CAMKK2: variants seen among roughly 807,000 people sequenced by gnomAD.
CAMKK2 encodes the protein calcium/calmodulin dependent protein kinase kinase 2, also known as calcium/calmodulin-dependent protein kinase kinase 2.
A neutral mutation model predicts 67.2 loss-of-function variants in CAMKK2; 30 were observed. The ratio of observed to expected loss-of-function variants is 0.45; its 90% CI spans 0.33 to 0.61. The LOEUF (loss-of-function observed/expected upper bound fraction) is 0.61, where lower values mean the gene tolerates loss of function less well. CAMKK2 is among the 20% of genes least tolerant of loss of function. CAMKK2 has a pLI of 0.02. For synonymous variants in CAMKK2, 322 were observed against 326.2 expected (o/e 0.99, Z 0.14); for missense variants, 643 against 802.0 (o/e 0.80, Z 2.39).
chr12:121,288,073 T>C (rs1336538887), intron 1 of CAMKK2, among the ~76,000 whole-genome samples: 1 of 152,136 alleles, frequency 6.6e-6, no homozygotes. Context: ...GTGGGTGAGT[T>C]TGGGTATGTG....
rs550627638 is a variant in CAMKK2 at position 121,285,152 on chromosome 12, T to C, written c.-59-10567A>G. 1.3e-5 allele frequency among the ~76,000 whole-genome samples: 2 copies of C among 152,198 alleles called. No homozygotes were observed. Among genetic ancestry groups the C allele is most frequent in the Non-Finnish European group, 2.9e-5 (2 of 68,028 alleles). ...CCACCATCAGCTTCAGAGATTTGCA[T>C]GTGACTCAAGCCTGGCCAGCTGGCT... On this transcript the variant is annotated intron_variant, in intron 1 of 16. Transcript: ENST00000404169. The surrounding 1 kb of genome is among the most constrained non-coding windows in gnomAD (Gnocchi z 4.1).
Position 121,245,962 on chromosome 12 carries a change from C to T in CAMKK2, c.1453-722G>A, listed in dbSNP as rs892354328. Among the ~76,000 whole-genome samples the T allele has an allele frequency of 2.0e-5, 3 of 152,146 alleles. No homozygotes were observed. Among genetic ancestry groups the T allele is most frequent in the African/African-American group, 7.2e-5 (3 of 41,430 alleles). ...GCACTGATCCATGCTACAACACAAACGGACCCTGAAAACCTTCTCCTACGT... is the reference window on the plus strand; with the variant it reads ...GCACTGATCCATGCTACAACACAAATGGACCCTGAAAACCTTCTCCTACGT... On this transcript the variant is annotated intron_variant, in intron 14 of 16. Coordinates refer to ENST00000404169, the MANE Select transcript of CAMKK2 (RefSeq NM_001270485.2). The surrounding 1 kb of genome is among the most constrained non-coding windows in gnomAD (Gnocchi z 5.8).
intron 3 of CAMKK2, 195 bp from the exon 4 acceptor site, chr12:121,269,776 C>T (rs1895349055): frequency 3.5e-6 from 2 of 569,000 alleles, no homozygotes; most frequent in African/African-American, 3.8e-5. Context: ...GGGCGGAGCG[C>T]AGTGGCTCAT....
At position 121,240,529 on chromosome 12, in the gene CAMKK2, T is replaced by TTTC; in HGVS notation, c.*169_*170insGAA. On this transcript the variant is annotated 3_prime_UTR_variant, in exon 17 of 17. Transcript: ENST00000404169. The surrounding 1 kb of genome is among the most constrained non-coding windows in gnomAD (Gnocchi z 4.4). ...CGACGTCATGGAGTCAAGTCCTTTTTTTTTTTTTGTCCCCTTTAAAACAAC... is the reference window on the plus strand; with the variant it reads ...CGACGTCATGGAGTCAAGTCCTTTTTTTCTTTTTTTTGTCCCCTTTAAAACAAC... The TTTC allele has an allele frequency of 1.3e-6, 2 of 1,534,010 alleles. No homozygotes were observed. The highest frequency in any genetic ancestry group is 1.7e-6 in the Non-Finnish European group (2 of 1,145,800).
At position 121,269,669 on chromosome 12, in the gene CAMKK2, G is replaced by A. The variant is rs1895331869; in HGVS notation, c.520-88C>T. Reference sequence around the variant, plus strand: ...CTAATACAGACGTTGCAAACCGGCAGCCCATTGGTCAAATCTGTCCCGCAA... The same window carrying A: ...CTAATACAGACGTTGCAAACCGGCAACCCATTGGTCAAATCTGTCCCGCAA... On this transcript the variant is annotated intron_variant, in intron 3 of 16. Transcript: ENST00000404169. 4 of 1,012,740 alleles carry A rather than the reference G, an allele frequency of 3.9e-6. No homozygotes were observed. The African/African-American group carries it at 4.8e-5, about 12-fold the overall frequency. The allele number at this position is 1,012,740 out of a possible 1,614,324, so 62.7% of individuals were successfully genotyped here.
chr12:121,269,362 C>T (rs542737053), intron 4 of CAMKK2, among the ~76,000 whole-genome samples, 166 bp downstream of exon 4: 5 of 152,220 alleles, frequency 3.3e-5, no homozygotes, highest in South Asian at 4.1e-4. Flanking sequence ...CCCCATTTTC[C>T]TATCTGTAAA....
intron 4 of CAMKK2, 66 bp downstream of exon 4, chr12:121,269,462 G>A: frequency 2.4e-6 from 3 of 1,256,156 alleles, no homozygotes; most frequent in South Asian, 1.3e-5. Context: ...CCAGGAAGCT[G>A]AGTGCTGGAA....
intron 9 of CAMKK2, among the ~76,000 whole-genome samples, chr12:121,255,206 TTATATATATAATTTTATA>T (rs1394752661): frequency 8.4e-5 from 2 of 23,930 alleles, no homozygotes; most frequent in African/African-American, 4.5e-4. Context: ...ATATATATAA[TTATATATATAATTTTATA>T]TATATATAAT....
chr12:121,266,452 CAGCGTT>C (rs572477937), intron 5 of CAMKK2, among the ~76,000 whole-genome samples: 6 of 151,298 alleles, frequency 4.0e-5, no homozygotes, highest in African/African-American at 1.5e-4. Flanking sequence ...TGACCTGGTG[CAGCGTT>C]TGGATAAGCA....
At position 121,255,849 on chromosome 12, in the gene CAMKK2, A is replaced by G. The variant is rs369313986; in HGVS notation, c.797-45T>C. ...GAAACTGTTACATGGGAAACTGAACATCCATCTCTCTCTGTCCTCCCCACC... is the reference window on the plus strand; with the variant it reads ...GAAACTGTTACATGGGAAACTGAACGTCCATCTCTCTCTGTCCTCCCCACC... On this transcript the variant is annotated intron_variant, in intron 7 of 16. Coordinates refer to ENST00000404169, the MANE Select transcript of CAMKK2 (RefSeq NM_001270485.2). 2.5e-6 allele frequency: 4 copies of G among 1,597,128 alleles called. No individual in the cohort carries two copies. The African/African-American group carries it at 5.4e-5, about 21-fold the overall frequency.
intron 5 of CAMKK2, among the ~76,000 whole-genome samples, chr12:121,265,956 G>T (rs1894441091): frequency 6.6e-6 from 1 of 152,100 alleles, no homozygotes. Context: ...TGTCTGTTTT[G>T]AGACAGGGTC....
In CAMKK2 at chr12:121,240,377, G is replaced by T; in HGVS notation, c.*322C>A. 1 of 1,438,136 alleles carries T rather than the reference G, an allele frequency of 7.0e-7. No homozygotes were observed. Among genetic ancestry groups the T allele is most frequent in the Non-Finnish European group, 9.4e-7 (1 of 1,067,622 alleles). The allele number at this position is 1,438,136 out of a possible 1,614,324, so 89.1% of individuals were successfully genotyped here. A position where few individuals can be genotyped will look rare whatever the true frequency, so the allele number is the denominator to read the frequency against. On this transcript the variant is annotated 3_prime_UTR_variant, in exon 17 of 17. Coordinates refer to ENST00000404169, the MANE Select transcript of CAMKK2 (RefSeq NM_001270485.2). This position sits in a 1 kb window ranked among gnomAD's most constrained non-coding sequence, Gnocchi z 4.4. ...ACAGTCACTTGGTATATCTGACGTG[G>T]TTCTGAAAATCACAATGAAGGATTT...
chr12:121,277,920 T>C (rs767793048), intron 1 of CAMKK2, among the ~76,000 whole-genome samples: 8 of 152,108 alleles, frequency 5.3e-5, no homozygotes, highest in Admixed American at 2.6e-4. Flanking sequence ...TGAGGCGAGA[T>C]TGCGCCACTG....
Position 121,263,799 on chromosome 12 carries a change from CT to C in CAMKK2, c.759+6del. On this transcript the variant is annotated splice_donor_region_variant and intron_variant, in intron 6 of 16. Transcript: ENST00000404169. ...TCCCTCCCTCCTGGGCGCCTCCACCCTTTTACCTCCACCAGCTTCACCACAT... is the reference window on the plus strand; with the variant it reads ...TCCCTCCCTCCTGGGCGCCTCCACCCTTTACCTCCACCAGCTTCACCACAT... The C allele has an allele frequency of 1.9e-6, 3 of 1,603,652 alleles. No homozygotes were observed. The highest frequency in any genetic ancestry group is 1.1e-5 in the South Asian group (1 of 90,364).
At chr12:121,268,800 C>T (rs1026169867) in intron 4 of CAMKK2, 111 bp from the exon 5 acceptor site, 2 of 935,792 alleles carry the variant, frequency 2.1e-6, no homozygotes, top group Non-Finnish European at 3.5e-6. Context: ...GGCCCAAGCT[C>T]CTGGCCCCCT....
rs377203348 is a variant in CAMKK2 at position 121,272,427 on chromosome 12, G to A, written c.472-1482C>T. Among the ~76,000 whole-genome samples, 15 of 152,266 alleles carry A rather than the reference G, an allele frequency of 9.9e-5. No individual in the cohort carries two copies. In the East Asian group the frequency reaches 2.7e-3, roughly 27 times the overall value. ...GTGAAAGAAGCTAAGCTAAAAAGGA[G>A]CCATTGCTCATAGGTCCTAGCTCTG... On this transcript the variant is annotated intron_variant, in intron 2 of 16. Transcript: ENST00000404169.
intron 6 of CAMKK2, chr12:121,260,562 T>G (rs112331620): frequency 1.7e-6 from 1 of 582,692 alleles, no homozygotes; most frequent in Non-Finnish European, 3.0e-6. Flanking sequence ...AATAAATGCC[T>G]CTCTGTCTGA....
In CAMKK2 at chr12:121,252,823, C is replaced by T. The variant is rs113618229; in HGVS notation, c.1108-109G>A. 3.5e-4 allele frequency: 373 copies of T among 1,073,732 alleles called. 1 individual carries two copies. The highest frequency in any genetic ancestry group is 4.4e-4 in the Non-Finnish European group (320 of 719,698). 66.5% of individuals were successfully genotyped at this position (1,073,732 alleles called of 1,614,324 possible). On this transcript the variant is annotated intron_variant, in intron 10 of 16. Transcript: ENST00000404169. Reference sequence around the variant, plus strand: ...TGACTTTCAGCCCTTGGAGTTGGGGCGGGACCAATCTTGTCTCCTAGGCTC... The same window carrying T: ...TGACTTTCAGCCCTTGGAGTTGGGGTGGGACCAATCTTGTCTCCTAGGCTC...
In CAMKK2 at chr12:121,249,805, G is replaced by A. The variant is rs182229559; in HGVS notation, c.1305C>T (p.Ile435=). ...AGGGTACCTTGATTTCCGGCACCAC[G>A]ATCCTCGACTCGGGGTTCTTGTCCA... The part of the protein sequence containing the change: ...RMLDKNPESR[I]VVPEIKLHPW... The change falls in exon 13 of 17, where the codon ATC becomes ATT. Residue 435 remains isoleucine, a synonymous_variant. Transcript: ENST00000404169. 77 of 1,614,122 alleles carry A rather than the reference G, an allele frequency of 4.8e-5. No individual in the cohort carries two copies. Among genetic ancestry groups the A allele is most frequent in the Admixed American group, 4.2e-4 (25 of 60,024 alleles).
Sources: gnomAD v4.1 joint callset for allele counts (sites outside exome capture counted in the v4.1 genomes callset) on GRCh38, gnomAD v4.1.1 for gene constraint, Gnocchi (gnomAD v3.1) non-coding constraint, MANE v1.5 for transcripts, NCBI Gene and HGNC (gene_info 2026-07-23, HGNC 2026-07-21) for gene names.